The following LGMN variants were observed in gnomAD, a reference collection of about 807,000 sequenced individuals.
LGMN encodes asparaginyl endopeptidase.
LGMN carries 36 observed loss-of-function variants against 56.8 expected under a neutral mutation model. That is an observed-to-expected ratio of 0.63 (90% CI 0.49 to 0.84). The LOEUF (loss-of-function observed/expected upper bound fraction) is 0.84. LGMN is among the 40% of genes least tolerant of loss of function. LGMN has a pLI of 0.00. For missense variants in LGMN, 446 were observed against 556.1 expected (o/e 0.80, Z 1.99); for synonymous variants, 199 against 210.1 (o/e 0.95, Z 0.46).
intron 5 of LGMN, among the ~76,000 whole-genome samples, chr14:92,715,214 G>GGTGTGTGTGTGTGTGT (rs145432785): frequency 6.7e-6 from 1 of 148,930 alleles, no homozygotes; most frequent in African/African-American, 2.5e-5. Context: ...GGTCAGGGTG[G>GGTGTGTGTGTGTGTGT]GTGTGTGTGT....
intron 1 of LGMN, among the ~76,000 whole-genome samples, chr14:92,746,508 C>G (rs1891826360): frequency 6.6e-6 from 1 of 152,188 alleles, no homozygotes; most frequent in African/African-American, 2.4e-5. Flanking sequence ...CAAATCTTTT[C>G]TCCTCCCGTC....
intron 7 of LGMN, among the ~76,000 whole-genome samples, chr14:92,713,119 A>C (rs771618660): frequency 1.3e-5 from 2 of 152,230 alleles, no homozygotes; most frequent in Non-Finnish European, 2.9e-5. Context: ...GAGCCATGGG[A>C]TGCTAAGGAA....
chr14:92,713,854 T>C lies in LGMN; in HGVS notation c.512A>G (p.His171Arg). 2 of 1,613,570 alleles carry C rather than the reference T, an allele frequency of 1.2e-6. No homozygotes were observed. The highest frequency in any genetic ancestry group is 1.7e-6 in the Non-Finnish European group (2 of 1,179,436). Residue 171 changes from histidine (H) to arginine (R), a missense_variant, in exon 7 of 14, where the codon CAT (histidine) becomes CGT (arginine). His to Arg is a conservative substitution (Grantham distance 29, BLOSUM62 0). Coordinates refer to ENST00000334869, the MANE Select transcript of LGMN (RefSeq NM_005606.7). Reference sequence around the variant, plus strand: ...GTACATTTTGTGTTTGTACATGTAATGGATGGTCTCATTCAGGTCCTTTAC... The same window carrying C: ...GTACATTTTGTGTTTGTACATGTAACGGATGGTCTCATTCAGGTCCTTTAC... ...LHVKDLNETI[H>R]YMYKHKMYRK...
At chr14:92,706,312 C>A in intron 12 of LGMN, 171 bp downstream of exon 12, 1 of 502,018 alleles carries the variant, frequency 2.0e-6, no homozygotes, top group Non-Finnish European at 3.3e-6. Flanking sequence ...TGTTCTGGGG[C>A]CAAGATTTAA....
At chr14:92,719,296 GCCGCCACCGCCGCCA>G (rs1470841068) in intron 2 of LGMN, among the ~76,000 whole-genome samples, 1,358 of 25,672 alleles carry the variant, frequency 0.053, 105 homozygotes, top group African/African-American at 0.17. Context: ...CGCCGCCGCC[GCCGCCACCGCCGCCA>G]CCGCCGCCGC....
Position 92,718,847 on chromosome 14 carries a change from G to A in LGMN, c.139-3C>T. The A allele has an allele frequency of 6.2e-7, 1 of 1,609,388 alleles. No homozygotes were observed. The highest frequency in any genetic ancestry group is 2.2e-5 in the East Asian group (1 of 44,810). The stretch of plus-strand genomic sequence containing the variant: ...TGGTAGGCATGGCACGCGTCTGCCT[G>A]GGAGAAATGATTTGGTGAAGTTTTA... On this transcript the variant is annotated splice_region_variant and splice_polypyrimidine_tract_variant and intron_variant, in intron 2 of 13. Coordinates refer to ENST00000334869, the MANE Select transcript of LGMN (RefSeq NM_005606.7).
chr14:92,715,292 C>G (rs1458924983), intron 5 of LGMN, among the ~76,000 whole-genome samples: 1 of 151,874 alleles, frequency 6.6e-6, no homozygotes, highest in African/African-American at 2.4e-5. Context: ...AATCTTGCCT[C>G]ACTGCAACCT....
intron 4 of LGMN, 103 bp from the exon 5 acceptor site, chr14:92,716,324 G>A (rs1201567321): frequency 7.1e-6 from 6 of 839,962 alleles, no homozygotes; most frequent in Non-Finnish European, 1.2e-5. Flanking sequence ...ACATTCCAAG[G>A]CTCATGGCTT....
chr14:92,744,060 A>G (rs1477257182), intron 1 of LGMN, among the ~76,000 whole-genome samples: 1 of 152,084 alleles, frequency 6.6e-6, no homozygotes, highest in African/African-American at 2.4e-5. Flanking sequence ...AGGCTGAGGA[A>G]GGAGAATCGC....
In LGMN at chr14:92,704,312, C is replaced by T. The variant is rs1281871743; in HGVS notation, c.*7G>A. 1.2e-6 allele frequency: 2 copies of T among 1,614,124 alleles called. No homozygotes were observed. Among genetic ancestry groups the T allele is most frequent in the African/African-American group, 2.7e-5 (2 of 75,062 alleles). On this transcript the variant is annotated 3_prime_UTR_variant, in exon 14 of 14. Coordinates refer to ENST00000334869, the MANE Select transcript of LGMN (RefSeq NM_005606.7). ...CACACTTGGAAAAGCTTCCAGGAGG[C>T]AGCTCTTCAGTAGTGACCAAGGCAC... is the stretch of plus-strand genomic sequence containing the variant.
At chr14:92,723,262 G>T (rs1332445058) in intron 2 of LGMN, among the ~76,000 whole-genome samples, 2 of 152,000 alleles carry the variant, frequency 1.3e-5, no homozygotes, top group Admixed American at 1.3e-4. Context: ...GGTCAGGCTG[G>T]TCTCAAACTC....
intron 2 of LGMN, among the ~76,000 whole-genome samples, chr14:92,722,858 T>C (rs77061516): frequency 0.01 from 1,536 of 152,196 alleles, 31 homozygotes; most frequent in African/African-American, 0.036. Context: ...ACATCACCCA[T>C]CATTAAGAAA....
In LGMN at chr14:92,709,652, C is replaced by T. The variant is rs763471575; in HGVS notation, c.1020+20G>A. ...GGCTGGGGACAGCACCTGGGCACAG[C>T]TCCTTTCACCACTACTCACATCCAG... On this transcript the variant is annotated intron_variant, in intron 11 of 13. Transcript: ENST00000334869. The T allele has an allele frequency of 6.2e-7, 1 of 1,608,606 alleles. No individual in the cohort carries two copies. The highest frequency in any genetic ancestry group is 1.1e-5 in the South Asian group (1 of 90,890).
At chr14:92,738,901 C>T (rs1891424413) in intron 1 of LGMN, among the ~76,000 whole-genome samples, 1 of 151,666 alleles carries the variant, frequency 6.6e-6, no homozygotes, top group South Asian at 2.1e-4. Flanking sequence ...TACCTGTAGT[C>T]CCAGCTACTC....
At chr14:92,715,811 A>C in intron 5 of LGMN, 1 of 191,014 alleles carries the variant, frequency 5.2e-6, no homozygotes. Context: ...ATTCAGATTC[A>C]CACCTGCCTC....
intron 2 of LGMN, among the ~76,000 whole-genome samples, chr14:92,721,033 G>A (rs1209493089): frequency 3.3e-5 from 5 of 151,784 alleles, no homozygotes; most frequent in Admixed American, 3.3e-4. Context: ...TGGGACTACA[G>A]GCACACAACA....
chr14:92,730,366 C>T (rs1196973598), intron 2 of LGMN, among the ~76,000 whole-genome samples: 2 of 152,186 alleles, frequency 1.3e-5, no homozygotes, highest in African/African-American at 2.4e-5. Flanking sequence ...AATGTAAATA[C>T]AGACTGGATT....
chr14:92,727,370 C>A (rs1352171512), intron 2 of LGMN, among the ~76,000 whole-genome samples: 1 of 133,192 alleles, frequency 7.5e-6, no homozygotes, highest in Non-Finnish European at 1.5e-5. Context: ...GTGGATGTTG[C>A]AATGAGCCGA....
intron 2 of LGMN, among the ~76,000 whole-genome samples, chr14:92,719,197 A>ACCG (rs1890252617): frequency 8.6e-6 from 1 of 116,808 alleles, no homozygotes; most frequent in African/African-American, 3.7e-5. Flanking sequence ...CACCACCGCC[A>ACCG]CCAACACCAC....
Sources: allele counts gnomAD v4.1 joint callset (sites outside exome capture counted in the v4.1 genomes callset), GRCh38; gene constraint gnomAD v4.1.1; transcripts MANE v1.5; gene names NCBI Gene and HGNC (gene_info 2026-07-23, HGNC 2026-07-21).